The following BABAM2 variants were observed in gnomAD, a reference collection of about 807,000 sequenced individuals.
The protein encoded by BABAM2 is BRISC and BRCA1 A complex member 2, also known as BRISC and BRCA1-A complex member 2.
BABAM2 carries 31 observed loss-of-function variants against 54.7 expected under a neutral mutation model. The ratio of observed to expected loss-of-function variants is 0.57; its 90% CI spans 0.43 to 0.77. The LOEUF (loss-of-function observed/expected upper bound fraction) is 0.77. BABAM2 is among the 30% of genes least tolerant of loss of function. The probability of loss-of-function intolerance (pLI) is 0.00; values close to 1 mark genes in which losing one functional copy is unlikely to be tolerated. For missense variants in BABAM2, 364 were observed against 455.8 expected (o/e 0.80, Z 1.83); for synonymous variants, 167 against 162.9 (o/e 1.03, Z -0.19).
intron 7 of BABAM2, among the ~76,000 whole-genome samples, chr2:28,167,115 C>A (rs1673760758): frequency 6.6e-6 from 1 of 152,156 alleles, no homozygotes; most frequent in Admixed American, 6.5e-5. Flanking sequence ...TGACAGTTTT[C>A]TGCAGCTAAT....
At chr2:28,107,886 G>T (rs948245719) in intron 6 of BABAM2, among the ~76,000 whole-genome samples, 3 of 152,130 alleles carry the variant, frequency 2.0e-5, no homozygotes, top group African/African-American at 7.2e-5. Flanking sequence ...CCTGAGGCTG[G>T]CCCCAAACTT....
intron 6 of BABAM2, among the ~76,000 whole-genome samples, chr2:28,090,694 A>T (rs1256424464): frequency 3.9e-5 from 6 of 152,128 alleles, no homozygotes; most frequent in Non-Finnish European, 7.4e-5. Context: ...CTATTCTTTA[A>T]GATAGAGATG....
chr2:28,220,840 TG>T (rs1680337670), intron 7 of BABAM2, among the ~76,000 whole-genome samples: 1 of 152,186 alleles, frequency 6.6e-6, no homozygotes, highest in South Asian at 2.1e-4. Context: ...GAGGATCACT[TG>T]AGCCCCAGAG....
At chr2:28,196,459 A>C (rs62139104) in intron 7 of BABAM2, among the ~76,000 whole-genome samples, 33,023 of 152,108 alleles carry the variant, frequency 0.22, 3,800 homozygotes, top group South Asian at 0.41. Context: ...TTAACGTGAC[A>C]TGTATCTGTG....
intron 3 of BABAM2, among the ~76,000 whole-genome samples, chr2:27,983,460 G>A (rs1171996295): frequency 6.6e-6 from 1 of 152,044 alleles, no homozygotes; most frequent in African/African-American, 2.4e-5. Context: ...ATTTTCATAT[G>A]ATTTTTAGGA....
At position 28,022,806 on chromosome 2, in the gene BABAM2, G is replaced by T. The variant is rs1052013999; in HGVS notation, c.301-2420G>T. Among the ~76,000 whole-genome samples the T allele has an allele frequency of 1.2e-4, 18 of 152,150 alleles. 1 individual carries two copies. Among genetic ancestry groups the T allele is most frequent in the Non-Finnish European group, 1.5e-5 (1 of 68,020 alleles). On this transcript the variant is annotated intron_variant, in intron 4 of 11. Transcript: ENST00000379624. Reference sequence around the variant, plus strand: ...TCCTCTTTCCCTGAAGGAGCTTTGGGCATTTTTCTGTATCTCCTACTCAAG... The same window carrying T: ...TCCTCTTTCCCTGAAGGAGCTTTGGTCATTTTTCTGTATCTCCTACTCAAG...
intron 6 of BABAM2, among the ~76,000 whole-genome samples, chr2:28,059,947 T>C (rs1177178110): frequency 6.6e-6 from 1 of 152,184 alleles, no homozygotes; most frequent in African/African-American, 2.4e-5. Flanking sequence ...AGAAATAGTA[T>C]AGAAAATCTT....
At chr2:28,274,889 C>T (rs1685735953) in intron 10 of BABAM2, among the ~76,000 whole-genome samples, 1 of 152,132 alleles carries the variant, frequency 6.6e-6, no homozygotes, top group South Asian at 2.1e-4. Flanking sequence ...GTAACATCAA[C>T]TTTGTGGGCT....
At chr2:28,252,818 C>T (rs1341759386) in intron 10 of BABAM2, among the ~76,000 whole-genome samples, 2 of 152,120 alleles carry the variant, frequency 1.3e-5, no homozygotes, top group Non-Finnish European at 2.9e-5. Context: ...TAAGTAATTG[C>T]CAAAGCAAGT....
intron 3 of BABAM2, among the ~76,000 whole-genome samples, chr2:27,938,149 T>C (rs1057109558): frequency 2.0e-5 from 3 of 152,174 alleles, no homozygotes; most frequent in African/African-American, 7.2e-5. Context: ...TTTCCATTAA[T>C]TTTAGCAACC....
At chr2:28,143,549 T>A (rs1006375660) in intron 7 of BABAM2, among the ~76,000 whole-genome samples, 2 of 152,106 alleles carry the variant, frequency 1.3e-5, no homozygotes, top group Non-Finnish European at 2.9e-5. Flanking sequence ...AACATATTAT[T>A]TGTTTTACTA....
chr2:28,244,086 C>G (rs72784731), intron 9 of BABAM2, among the ~76,000 whole-genome samples: 15,095 of 152,050 alleles, frequency 0.099, 1,070 homozygotes, highest in African/African-American at 0.2. Context: ...ATTCAGAGGT[C>G]AGGGGATGTT....
At chr2:28,089,942 T>G (rs1240557161) in intron 6 of BABAM2, among the ~76,000 whole-genome samples, 2 of 151,940 alleles carry the variant, frequency 1.3e-5, no homozygotes, top group Admixed American at 6.6e-5. Flanking sequence ...TATAGAAAGA[T>G]TTAGGGATTT....
At chr2:28,254,377 T>C (rs1448739251) in intron 10 of BABAM2, among the ~76,000 whole-genome samples, 1 of 152,126 alleles carries the variant, frequency 6.6e-6, no homozygotes, top group Admixed American at 6.5e-5. Context: ...CCTCAGGTGA[T>C]CCTCCCGCCT....
chr2:27,948,063 T>C (rs946212128), intron 3 of BABAM2, among the ~76,000 whole-genome samples: 27 of 152,260 alleles, frequency 1.8e-4, no homozygotes, highest in African/African-American at 6.0e-4. Context: ...CAAAATGGTT[T>C]GGAAATGTTA....
chr2:27,941,644 T>G (rs1410076721), intron 3 of BABAM2, among the ~76,000 whole-genome samples: 1 of 152,056 alleles, frequency 6.6e-6, no homozygotes, highest in Non-Finnish European at 1.5e-5. Context: ...GAAGAAGTCA[T>G]GTCAAGAAAT....
At chr2:28,008,446 A>G (rs1474067865) in intron 4 of BABAM2, among the ~76,000 whole-genome samples, 2 of 152,156 alleles carry the variant, frequency 1.3e-5, no homozygotes, top group African/African-American at 4.8e-5. Flanking sequence ...ATGAAAAAGT[A>G]TGTATGAAAC....
chr2:27,940,694 TTTA>T (rs1668809766), intron 3 of BABAM2, among the ~76,000 whole-genome samples: 1 of 152,186 alleles, frequency 6.6e-6, no homozygotes, highest in African/African-American at 2.4e-5. Flanking sequence ...CAGGGGCTGT[TTTA>T]TTATAAGAAA....
intron 4 of BABAM2, among the ~76,000 whole-genome samples, chr2:28,009,045 A>C (rs1368164200): frequency 6.6e-6 from 1 of 152,084 alleles, no homozygotes; most frequent in Admixed American, 6.6e-5. Flanking sequence ...TAGTCAATGG[A>C]TTGTATGTGA....
Sources: allele counts gnomAD v4.1 joint callset (sites outside exome capture counted in the v4.1 genomes callset), GRCh38; gene constraint gnomAD v4.1.1; transcripts MANE v1.5; gene names NCBI Gene and HGNC (gene_info 2026-07-23, HGNC 2026-07-21).